Variants in TGFBR2 observed in about 807,000 individuals in gnomAD.
TGFBR2 encodes transforming growth factor beta receptor 2, also known as TGF-beta receptor type-2.
TGFBR2 carries 18 observed loss-of-function variants against 49.0 expected under a neutral mutation model. The ratio of observed to expected loss-of-function variants is 0.37; its 90% CI spans 0.25 to 0.54. TGFBR2 has a LOEUF of 0.54. Ranked by LOEUF, TGFBR2 falls within the 20% of genes least tolerant of loss-of-function variation. The pLI is 0.85. For synonymous variants in TGFBR2, 282 were observed against 275.9 expected (o/e 1.02, Z -0.22); for missense variants, 525 against 722.6 (o/e 0.73, Z 3.13).
At chr3:30,657,205 G>T (rs1372362397) in intron 3 of TGFBR2, among the ~76,000 whole-genome samples, 1 of 152,162 alleles carries the variant, frequency 6.6e-6, no homozygotes, top group Non-Finnish European at 1.5e-5. Context: ...TTCCCGTGGT[G>T]GTGGTGTGTT....
intron 1 of TGFBR2, among the ~76,000 whole-genome samples, chr3:30,612,257 T>A (rs1698043702): frequency 6.6e-6 from 1 of 152,196 alleles, no homozygotes; most frequent in African/African-American, 2.4e-5. Flanking sequence ...TTTATTATCT[T>A]TATTTTATGG....
At chr3:30,645,693 C>A (rs543092083) in intron 2 of TGFBR2, among the ~76,000 whole-genome samples, 4 of 152,078 alleles carry the variant, frequency 2.6e-5, no homozygotes, top group African/African-American at 9.6e-5. Flanking sequence ...ACCATGTTGG[C>A]CAGGCTGGTC....
intron 5 of TGFBR2, among the ~76,000 whole-genome samples, chr3:30,685,635 G>C (rs1699607844): frequency 6.6e-6 from 1 of 152,120 alleles, no homozygotes; most frequent in South Asian, 2.1e-4. Context: ...CAAGAGAATT[G>C]GACTGTTAAA....
chr3:30,617,197 G>T (rs1456540583), intron 1 of TGFBR2, among the ~76,000 whole-genome samples: 1 of 152,144 alleles, frequency 6.6e-6, no homozygotes, highest in East Asian at 1.9e-4. Flanking sequence ...CAACAGATTG[G>T]CAGTTTTCAG....
intron 2 of TGFBR2, among the ~76,000 whole-genome samples, chr3:30,649,960 A>G (rs1698848175): frequency 1.3e-5 from 2 of 152,162 alleles, no homozygotes; most frequent in Non-Finnish European, 2.9e-5. Context: ...TAATGATTTA[A>G]TTAAGACTTA....
intron 1 of TGFBR2, among the ~76,000 whole-genome samples, chr3:30,608,996 A>C (rs1697986112): frequency 6.6e-6 from 1 of 152,236 alleles, no homozygotes; most frequent in Non-Finnish European, 1.5e-5. Context: ...GATAAGGTTT[A>C]TGATTTGCAA....
Position 30,650,449 on chromosome 3 carries a change from T to C in TGFBR2, c.443T>C (p.Ile148Thr). 1 of 1,613,990 alleles carries C rather than the reference T, an allele frequency of 6.2e-7. No individual in the cohort carries two copies. The highest frequency in any genetic ancestry group is 8.5e-7 in the Non-Finnish European group (1 of 1,179,912). The change falls in exon 3 of 7, where the codon ATC (isoleucine) becomes ACC (threonine). Residue 148 changes from isoleucine (I) to threonine (T), a missense_variant. Physicochemically the swap from Ile to Thr is moderately conservative, Grantham distance 89. Around this residue, in one of 3 missense-constraint regions of TGFBR2, gnomAD observed 376 missense variants for 478.2 expected, o/e 0.79. Transcript: ENST00000295754. Reference protein sequence around the residue: ...CSSDECNDNIIFSEEYNTSNP... With the variant: ...CSSDECNDNITFSEEYNTSNP... ...TCTGATGAGTGCAATGACAACATCA[T>C]CTTCTCAGAAGGTGAGTTTTCTTCT...
intron 5 of TGFBR2, among the ~76,000 whole-genome samples, chr3:30,686,086 A>T (rs2125449589): frequency 6.6e-6 from 1 of 152,338 alleles, no homozygotes; most frequent in East Asian, 1.9e-4. Context: ...AGAAGAGAAG[A>T]AGTACATGAG....
At chr3:30,633,309 G>T (rs970268074) in intron 1 of TGFBR2, among the ~76,000 whole-genome samples, 4 of 152,126 alleles carry the variant, frequency 2.6e-5, no homozygotes, top group Non-Finnish European at 5.9e-5. Context: ...TAAGCATTTG[G>T]TCTGCATTCG....
intron 3 of TGFBR2, among the ~76,000 whole-genome samples, chr3:30,652,424 G>A (rs1042178510): frequency 4.6e-5 from 7 of 151,862 alleles, no homozygotes; most frequent in Admixed American, 2.6e-4. Flanking sequence ...TAGTAGAGAC[G>A]AGTTTCACCA....
intron 1 of TGFBR2, among the ~76,000 whole-genome samples, chr3:30,633,493 C>T (rs1441245595): frequency 1.3e-5 from 2 of 151,920 alleles, no homozygotes; most frequent in African/African-American, 4.8e-5. Flanking sequence ...CTAGTTAAAC[C>T]CTAATATTAG....
chr3:30,689,193 A>G (rs760308010), intron 6 of TGFBR2, among the ~76,000 whole-genome samples: 2 of 152,224 alleles, frequency 1.3e-5, no homozygotes, highest in Non-Finnish European at 2.9e-5. Context: ...CAGGGCAGTC[A>G]TTCTGGACTC....
At chr3:30,607,969 T>C (rs1048578459) in intron 1 of TGFBR2, among the ~76,000 whole-genome samples, 6 of 148,738 alleles carry the variant, frequency 4.0e-5, no homozygotes, top group Non-Finnish European at 8.9e-5. Flanking sequence ...GGAGACGGAG[T>C]CTCGCTCTGT....
chr3:30,645,858 T>C (rs1575144300), intron 2 of TGFBR2, among the ~76,000 whole-genome samples: 1 of 151,134 alleles, frequency 6.6e-6, no homozygotes, highest in African/African-American at 2.4e-5. Context: ...CTCCAACTCA[T>C]ACATACATCT....
chr3:30,628,528 GTTTTTT>G (rs569832149), intron 1 of TGFBR2, among the ~76,000 whole-genome samples: 12 of 80,192 alleles, frequency 1.5e-4, no homozygotes, highest in African/African-American at 5.2e-4. Flanking sequence ...AAGCCTGTGG[GTTTTTT>G]TTTTTTTTTT....
intron 5 of TGFBR2, among the ~76,000 whole-genome samples, chr3:30,680,377 T>C (rs919452247): frequency 1.3e-5 from 2 of 152,236 alleles, no homozygotes; most frequent in African/African-American, 4.8e-5. Context: ...AACTGTTTTA[T>C]CTTTATTTCC....
At chr3:30,661,168 TA>T (rs945660727) in intron 3 of TGFBR2, among the ~76,000 whole-genome samples, 19 of 152,124 alleles carry the variant, frequency 1.2e-4, no homozygotes, top group Non-Finnish European at 2.2e-4. Context: ...GAAAAAGAAT[TA>T]AAGAATCAGG....
intron 1 of TGFBR2, among the ~76,000 whole-genome samples, chr3:30,641,191 C>T (rs1277948753): frequency 6.6e-6 from 1 of 152,126 alleles, no homozygotes; most frequent in Non-Finnish European, 1.5e-5. Flanking sequence ...TGCAAACCTT[C>T]TCAGATGATC....
chr3:30,677,156 G>A (rs989978535), intron 5 of TGFBR2, among the ~76,000 whole-genome samples: 4 of 152,144 alleles, frequency 2.6e-5, no homozygotes, highest in Admixed American at 2.0e-4. Context: ...TGAGCTCCCA[G>A]CTTTCATTGT....
Sources: gnomAD v4.1 joint callset for allele counts (sites outside exome capture counted in the v4.1 genomes callset) on GRCh38, gnomAD v4.1.1 for gene constraint, gnomAD v4.1.1 regional missense constraint, MANE v1.5 for transcripts, NCBI Gene and HGNC (gene_info 2026-07-23, HGNC 2026-07-21) for gene names.